Variants in PCDHA9 observed in about 807,000 individuals in gnomAD.
PCDHA9 encodes protocadherin alpha-9.
PCDHA9 carries 62 observed loss-of-function variants against 62.0 expected under a neutral mutation model. That is an observed-to-expected ratio of 1.00 (90% CI 0.81 to 1.23). PCDHA9 has a LOEUF of 1.23. Among genes scored for constraint, PCDHA9 ranks in the 50% most tolerant of loss-of-function variants. The pLI, the probability that PCDHA9 is intolerant of heterozygous loss-of-function variation, is 0.00. For missense variants in PCDHA9, 1,205 were observed against 1,249.8 expected (o/e 0.96, Z 0.54); for synonymous variants, 557 against 567.6 (o/e 0.98, Z 0.27).
intron 1 of PCDHA9, chr5:140,859,219 T>G (rs901080538): frequency 2.0e-5 from 3 of 149,830 alleles, no homozygotes; most frequent in African/African-American, 4.9e-5. Context: ...CTCTTTCACT[T>G]TAAGGAAGGA....
chr5:140,987,563 T>C (rs2097259374), intron 3 of PCDHA9, among the ~76,000 whole-genome samples: 1 of 152,226 alleles, frequency 6.6e-6, no homozygotes, highest in Non-Finnish European at 1.5e-5. Context: ...ATTCTCAGTT[T>C]CTTTCTCTAT....
intron 1 of PCDHA9, chr5:140,870,541 G>A: frequency 1.2e-6 from 2 of 1,614,136 alleles, no homozygotes; most frequent in Non-Finnish European, 8.5e-7. Flanking sequence ...GTCGGCGCGG[G>A]ACGCGGACGC....
intron 1 of PCDHA9, among the ~76,000 whole-genome samples, chr5:140,932,902 T>C (rs1276238248): frequency 6.6e-6 from 1 of 152,002 alleles, no homozygotes; most frequent in Non-Finnish European, 1.5e-5. Context: ...AGGGAAACAA[T>C]AATATTTCAA....
chr5:140,994,017 T>C (rs2153920554), intron 3 of PCDHA9, among the ~76,000 whole-genome samples: 1 of 152,336 alleles, frequency 6.6e-6, no homozygotes, highest in South Asian at 2.1e-4. Flanking sequence ...TTCTAGGTGA[T>C]GCAGATATAA....
intron 1 of PCDHA9, among the ~76,000 whole-genome samples, chr5:140,978,417 A>G (rs2096800848): frequency 6.6e-6 from 1 of 152,158 alleles, no homozygotes. Context: ...CAGAAAAGAG[A>G]CTGTTATCAG....
At chr5:140,924,901 A>AAAAAAATAAAT (rs369245222) in intron 1 of PCDHA9, among the ~76,000 whole-genome samples, 34 of 80,504 alleles carry the variant, frequency 4.2e-4, no homozygotes, top group Non-Finnish European at 7.7e-4. Context: ...TCTCAAAAAA[A>AAAAAAATAAAT]AAAATAAAAT....
intron 1 of PCDHA9, among the ~76,000 whole-genome samples, chr5:140,936,711 A>G (rs2091105126): frequency 6.6e-6 from 1 of 152,212 alleles, no homozygotes; most frequent in African/African-American, 2.4e-5. Flanking sequence ...TCTTGTGCCA[A>G]TACATTCTGT....
At chr5:140,973,068 G>T (rs1563422416) in intron 1 of PCDHA9, among the ~76,000 whole-genome samples, 1 of 152,140 alleles carries the variant, frequency 6.6e-6, no homozygotes, top group Non-Finnish European at 1.5e-5. Context: ...CAGTGTCTCA[G>T]TGGGCCCAGC....
chr5:140,944,316 T>G (rs140163712), intron 1 of PCDHA9, among the ~76,000 whole-genome samples: 1 of 151,958 alleles, frequency 6.6e-6, no homozygotes, highest in Non-Finnish European at 1.5e-5. Context: ...GCCTCCTGAG[T>G]AGCTGGGATT....
At chr5:140,967,135 G>A in intron 1 of PCDHA9, 1 of 1,611,752 alleles carries the variant, frequency 6.2e-7, no homozygotes, top group South Asian at 1.1e-5. Context: ...GCTTGGAAGT[G>A]CTGGCGCACA....
At chr5:141,001,959 C>T (rs755695273) in intron 3 of PCDHA9, among the ~76,000 whole-genome samples, 8 of 152,098 alleles carry the variant, frequency 5.3e-5, no homozygotes, top group Admixed American at 3.9e-4. Context: ...GAGGGAGAGG[C>T]GGGGTGTCTC....
intron 1 of PCDHA9, chr5:140,883,711 C>G: frequency 6.2e-7 from 1 of 1,613,576 alleles, no homozygotes; most frequent in Admixed American, 1.7e-5. Flanking sequence ...CTGCTCAGGA[C>G]GCGGACGCAC....
In PCDHA9 at chr5:140,849,773, C is replaced by G; in HGVS notation, c.1278C>G (p.Thr426=). Residue 426 remains threonine (T), a synonymous_variant, in exon 1 of 4, where the codon ACC becomes ACG. Coordinates refer to ENST00000532602, the MANE Select transcript of PCDHA9 (RefSeq NM_031857.2). ...ESVSAYELVV[T]ARDGGSPSLW... ...TGTCCGCCTACGAGCTGGTGGTTAC[C>G]GCGCGGGACGGGGGCTCGCCTTCAC... 6.3e-7 allele frequency: 1 copy of G among 1,598,418 alleles called. No individual in the cohort carries two copies. The highest frequency in any genetic ancestry group is 8.6e-7 in the Non-Finnish European group (1 of 1,167,942).
At chr5:140,884,977 A>C (rs782168505) in intron 1 of PCDHA9, among the ~76,000 whole-genome samples, 19 of 152,222 alleles carry the variant, frequency 1.2e-4, no homozygotes, top group Admixed American at 5.2e-4. Context: ...GAGAACTTAA[A>C]CATTTAGAAA....
At chr5:140,968,106 C>T (rs1554230344) in intron 1 of PCDHA9, 8 of 1,614,016 alleles carry the variant, frequency 5.0e-6, no homozygotes, top group East Asian at 2.2e-5. Flanking sequence ...GGGGGAATAC[C>T]GCAGCTCACA....
At chr5:140,866,395 T>A (rs1483002508) in intron 1 of PCDHA9, 1 of 152,120 alleles carries the variant, frequency 6.6e-6, no homozygotes, top group Non-Finnish European at 1.5e-5. Context: ...AGACATAGAT[T>A]CCCATGAAAA....
At chr5:140,966,063 C>T (rs2095963895) in intron 1 of PCDHA9, 1 of 153,130 alleles carries the variant, frequency 6.5e-6, no homozygotes, top group African/African-American at 2.4e-5. Flanking sequence ...CAGAGCGCCT[C>T]CCCCTGCGTT....
At chr5:140,931,471 G>GA (rs1215090719) in intron 1 of PCDHA9, among the ~76,000 whole-genome samples, 9 of 151,796 alleles carry the variant, frequency 5.9e-5, no homozygotes, top group Non-Finnish European at 1.0e-4. Context: ...AATGACAGAG[G>GA]AAAAAACAAC....
chr5:140,856,108 C>A, intron 1 of PCDHA9: 1 of 1,598,026 alleles, frequency 6.3e-7, no homozygotes, highest in African/African-American at 1.3e-5. Context: ...TTCTTCTCCT[C>A]GCAGCCTGGG....
Sources: allele counts gnomAD v4.1 joint callset (sites outside exome capture counted in the v4.1 genomes callset), GRCh38; gene constraint gnomAD v4.1.1; transcripts MANE v1.5; gene names NCBI Gene and HGNC (gene_info 2026-07-23, HGNC 2026-07-21).